Variants in CNTN4 observed in about 807,000 individuals in gnomAD.
CNTN4 encodes contactin 4.
In CNTN4, 77 loss-of-function variants were observed where a neutral mutation model predicts 122.5. The observed-to-expected ratio is 0.63, with a 90% CI of 0.52 to 0.76. CNTN4 has a LOEUF of 0.76. Among genes scored for constraint, CNTN4 ranks in the 30% least tolerant of loss-of-function variants. The probability of loss-of-function intolerance (pLI) is 0.00; values close to 1 mark genes in which losing one functional copy is unlikely to be tolerated. For missense variants in CNTN4, 1,256 were observed against 1,259.1 expected (o/e 1.00, Z 0.04); for synonymous variants, 512 against 447.0 (o/e 1.15, Z -1.83).
chr3:2,883,116 C>G (rs1236468653), intron 8 of CNTN4, 29 bp from the exon 9 acceptor site: 4 of 1,501,952 alleles, frequency 2.7e-6, no homozygotes, highest in Non-Finnish European at 3.7e-6. Flanking sequence ...AAAGAATCTC[C>G]AAGACTTAGC....
At chr3:2,969,138 G>T (rs766505440) in intron 13 of CNTN4, among the ~76,000 whole-genome samples, 1 of 152,016 alleles carries the variant, frequency 6.6e-6, no homozygotes, top group Non-Finnish European at 1.5e-5. Context: ...AAAATTTCAG[G>T]GTTTGCTGTA....
At chr3:2,218,279 A>G (rs749106912) in intron 2 of CNTN4, among the ~76,000 whole-genome samples, 56 of 152,198 alleles carry the variant, frequency 3.7e-4, no homozygotes, top group Non-Finnish European at 4.1e-4. Context: ...AAAAAGATGT[A>G]CTTTAGAATA....
intron 3 of CNTN4, among the ~76,000 whole-genome samples, chr3:2,472,397 AC>A (rs997452596): frequency 2.6e-5 from 4 of 152,072 alleles, no homozygotes; most frequent in Non-Finnish European, 5.9e-5. Flanking sequence ...GCATCACTGC[AC>A]CCAGCTAAGT....
At chr3:2,805,211 G>A (rs946813737) in intron 6 of CNTN4, among the ~76,000 whole-genome samples, 4 of 151,216 alleles carry the variant, frequency 2.6e-5, no homozygotes, top group African/African-American at 7.3e-5. Context: ...GCACTGTGTA[G>A]CATCCTGATC....
intron 7 of CNTN4, among the ~76,000 whole-genome samples, chr3:2,840,678 G>A (rs527466259): frequency 3.7e-4 from 55 of 149,436 alleles, no homozygotes; most frequent in African/African-American, 1.1e-3. Context: ...CAGCCTGGGC[G>A]ACAGAGCGAC....
chr3:2,164,200 TAAAAC>T (rs1027289916), intron 2 of CNTN4, among the ~76,000 whole-genome samples: 7 of 149,850 alleles, frequency 4.7e-5, no homozygotes, highest in African/African-American at 1.2e-4. Flanking sequence ...AAAGCAAAAT[TAAAAC>T]AAAGAAGAAA....
intron 4 of CNTN4, among the ~76,000 whole-genome samples, chr3:2,600,005 C>CTTTTTTTTTTTTTTTTTTTTTTTTTT (rs1220761684): frequency 3.5e-5 from 1 of 28,270 alleles, no homozygotes; most frequent in Non-Finnish European, 9.4e-5. Flanking sequence ...TTATGGAATT[C>CTTTTTTTTTTTTTTTTTTTTTTTTTT]TTCTTTTTTT....
chr3:2,480,044 A>C (rs1346520661), intron 3 of CNTN4, among the ~76,000 whole-genome samples: 1 of 152,200 alleles, frequency 6.6e-6, no homozygotes, highest in African/African-American at 2.4e-5. Flanking sequence ...CTAGATGCAG[A>C]AAAGCATTTG....
At chr3:2,490,227 T>A (rs2076277853) in intron 3 of CNTN4, among the ~76,000 whole-genome samples, 1 of 152,226 alleles carries the variant, frequency 6.6e-6, no homozygotes. Flanking sequence ...CACGCTCATC[T>A]GAGCATGGCT....
intron 4 of CNTN4, among the ~76,000 whole-genome samples, chr3:2,705,611 AT>A (rs1269174675): frequency 0.16 from 6,683 of 42,642 alleles, 280 homozygotes; most frequent in Middle Eastern, 0.2. Context: ...AATTTTATAT[AT>A]TTATATATAA....
At chr3:2,115,074 G>T (rs1160109523) in intron 2 of CNTN4, among the ~76,000 whole-genome samples, 1 of 152,128 alleles carries the variant, frequency 6.6e-6, no homozygotes, top group African/African-American at 2.4e-5. Flanking sequence ...CTCCTAATAG[G>T]CAGTGGACCA....
chr3:2,642,472 C>G (rs770654156), intron 4 of CNTN4, among the ~76,000 whole-genome samples: 8 of 152,132 alleles, frequency 5.3e-5, no homozygotes, highest in Non-Finnish European at 1.0e-4. Context: ...CCAATATTAA[C>G]CATTAAACTC....
At position 2,166,186 on chromosome 3, in the gene CNTN4, C is replaced by T. The variant is rs371075886; in HGVS notation, c.-145+65547C>T. Among the ~76,000 whole-genome samples the T allele has an allele frequency of 1.1e-3, 161 of 152,202 alleles. 2 individuals are homozygous for T. Among genetic ancestry groups the T allele is most frequent in the African/African-American group, 3.6e-3 (151 of 41,548 alleles). On this transcript the variant is annotated intron_variant, in intron 2 of 24. Coordinates refer to ENST00000418658, the MANE Select transcript of CNTN4 (RefSeq NM_175607.3). ...TAATGTCAATTTATATCCCCATCAA[C>T]AGTGTTTAAGGGCTTCGTTTTCACC...
At chr3:2,765,847 G>C (rs2090834195) in intron 6 of CNTN4, among the ~76,000 whole-genome samples, 1 of 152,142 alleles carries the variant, frequency 6.6e-6, no homozygotes. Flanking sequence ...TAAATATTTA[G>C]TGACTGTTTC....
chr3:2,671,965 T>G (rs1366082028), intron 4 of CNTN4, among the ~76,000 whole-genome samples: 2 of 152,056 alleles, frequency 1.3e-5, no homozygotes, highest in Non-Finnish European at 2.9e-5. Flanking sequence ...TGCCTGATCC[T>G]TCCTTTGGAA....
At chr3:2,898,884 A>T (rs999441657) in intron 10 of CNTN4, among the ~76,000 whole-genome samples, 2 of 152,186 alleles carry the variant, frequency 1.3e-5, no homozygotes, top group African/African-American at 4.8e-5. Flanking sequence ...TTAGCCATCA[A>T]ATTCTCCAAG....
intron 3 of CNTN4, among the ~76,000 whole-genome samples, chr3:2,368,804 A>G (rs1269596205): frequency 6.6e-6 from 1 of 152,224 alleles, no homozygotes; most frequent in African/African-American, 2.4e-5. Flanking sequence ...ACTTACAGCC[A>G]CATCTCAAGC....
At chr3:2,930,253 A>T (rs1010017925) in intron 13 of CNTN4, among the ~76,000 whole-genome samples, 1 of 152,146 alleles carries the variant, frequency 6.6e-6, no homozygotes. Flanking sequence ...AGCGGTTTTA[A>T]TAAGGGAAAA....
rs75677438 is a variant in CNTN4, at chr3:2,394,437, G to A, written c.-89+55204G>A. Among the ~76,000 whole-genome samples, 7 of 152,232 alleles carry A rather than the reference G, an allele frequency of 4.6e-5. No homozygotes were observed. The East Asian group carries it at 1.4e-3, about 29-fold the overall frequency. On this transcript the variant is annotated intron_variant, in intron 3 of 24. Coordinates refer to ENST00000418658, the MANE Select transcript of CNTN4 (RefSeq NM_175607.3). ...TTTATTAACAGTTAATGAAAACTGA[G>A]CCCTATACCACATACCAATGTACAC...
Sources: gnomAD v4.1 joint callset for allele counts (sites outside exome capture counted in the v4.1 genomes callset) on GRCh38, gnomAD v4.1.1 for gene constraint, MANE v1.5 for transcripts, NCBI Gene and HGNC (gene_info 2026-07-23, HGNC 2026-07-21) for gene names.